ADAMTS3: variants seen among roughly 807,000 people sequenced by gnomAD.
ADAMTS3 encodes A disintegrin and metalloproteinase with thrombospondin motifs 3.
In ADAMTS3, 73 loss-of-function variants were observed where a neutral mutation model predicts 129.0. The ratio of observed to expected loss-of-function variants is 0.57; its 90% confidence interval spans 0.47 to 0.69. The LOEUF is 0.69. Ranked by LOEUF, ADAMTS3 falls within the 30% of genes least tolerant of loss-of-function variation. The probability of loss-of-function intolerance (pLI) is 0.00; values close to 1 mark genes in which losing one functional copy is unlikely to be tolerated. For synonymous variants in ADAMTS3, 477 were observed against 510.8 expected (o/e 0.93, Z 0.89); for missense variants, 1,457 against 1,514.5 (o/e 0.96, Z 0.63).
At chr4:72,556,212 G>A (rs1364340278) in intron 2 of ADAMTS3, among the ~76,000 whole-genome samples, 1 of 151,644 alleles carries the variant, frequency 6.6e-6, no homozygotes, top group African/African-American at 2.4e-5. Flanking sequence ...CTCTGTGCTG[G>A]GGCTGGTAAG....
intron 10 of ADAMTS3, among the ~76,000 whole-genome samples, chr4:72,317,168 C>T (rs1231832214): frequency 1.3e-5 from 2 of 152,086 alleles, no homozygotes; most frequent in African/African-American, 4.8e-5. Flanking sequence ...CTACATACAC[C>T]CTTATGTGCA....
intron 3 of ADAMTS3, among the ~76,000 whole-genome samples, chr4:72,473,920 T>C (rs1719151878): frequency 6.6e-6 from 1 of 152,198 alleles, no homozygotes; most frequent in Non-Finnish European, 1.5e-5. Context: ...CAACATGATG[T>C]CAGTGAAGAC....
At chr4:72,541,167 C>G (rs1721314015) in intron 3 of ADAMTS3, among the ~76,000 whole-genome samples, 1 of 152,194 alleles carries the variant, frequency 6.6e-6, no homozygotes, top group Non-Finnish European at 1.5e-5. Flanking sequence ...GAACCCACCT[C>G]TTACATCAGC....
chr4:72,518,104 C>T (rs1720546316), intron 3 of ADAMTS3, among the ~76,000 whole-genome samples: 1 of 152,128 alleles, frequency 6.6e-6, no homozygotes, highest in South Asian at 2.1e-4. Context: ...ACCCAGTAGT[C>T]ATTCAGGAAC....
intron 3 of ADAMTS3, among the ~76,000 whole-genome samples, chr4:72,498,521 G>C (rs115646604): frequency 0.044 from 6,686 of 152,082 alleles, 208 homozygotes; most frequent in Non-Finnish European, 0.066. Context: ...TACAGTTTGG[G>C]CATACCTACT....
At chr4:72,463,718 C>G (rs1028122121) in intron 3 of ADAMTS3, among the ~76,000 whole-genome samples, 6 of 132,332 alleles carry the variant, frequency 4.5e-5, no homozygotes, top group Admixed American at 1.6e-4. Flanking sequence ...AAAAAAAAAG[C>G]ATTTGGTAAC....
intron 15 of ADAMTS3, 108 bp from the exon 16 acceptor site, chr4:72,306,175 T>C: frequency 1.5e-6 from 1 of 687,780 alleles, no homozygotes; most frequent in Admixed American, 3.3e-5. Flanking sequence ...GAAGAGGGCA[T>C]CCATAAATTT....
chr4:72,312,287 T>G lies in ADAMTS3; in HGVS notation c.1921+4A>C. 6.2e-7 allele frequency: 1 copy of G among 1,613,440 alleles called. No homozygotes were observed. Among genetic ancestry groups the G allele is most frequent in the Admixed American group, 1.7e-5 (1 of 59,970 alleles). On this transcript the variant is annotated splice_donor_region_variant and intron_variant, in intron 13 of 21. Coordinates refer to ENST00000286657, the MANE Select transcript of ADAMTS3 (RefSeq NM_014243.3). ...AGCAGGAAGGAGAGCACGAGGCTACTCACGGTCAGGATGTTCATATGGCAA... is the reference window on the plus strand; with the variant it reads ...AGCAGGAAGGAGAGCACGAGGCTACGCACGGTCAGGATGTTCATATGGCAA...
chr4:72,477,890 A>T (rs1398346847), intron 3 of ADAMTS3, among the ~76,000 whole-genome samples: 1 of 152,216 alleles, frequency 6.6e-6, no homozygotes, highest in Non-Finnish European at 1.5e-5. Flanking sequence ...AATACAAACT[A>T]CCATCAGAGA....
At chr4:72,365,070 G>A (rs1386896901) in intron 4 of ADAMTS3, among the ~76,000 whole-genome samples, 1 of 152,168 alleles carries the variant, frequency 6.6e-6, no homozygotes, top group African/African-American at 2.4e-5. Context: ...GGCACATAAG[G>A]AGGCACTCAG....
intron 10 of ADAMTS3, among the ~76,000 whole-genome samples, chr4:72,316,385 T>G (rs1257282795): frequency 1.3e-5 from 2 of 152,108 alleles, no homozygotes; most frequent in African/African-American, 4.8e-5. Context: ...GATAGATAGT[T>G]GAATATAAAT....
At position 72,548,403 on chromosome 4, in the gene ADAMTS3, C is replaced by T. The variant is rs1404784194; in HGVS notation, c.504+75G>A. 15 of 1,472,400 alleles carry T rather than the reference C, an allele frequency of 1.0e-5. No homozygotes were observed. The Admixed American group carries it at 1.6e-4, about 16-fold the overall frequency. The allele number at this position is 1,472,400 out of a possible 1,614,324, so 91.2% of individuals were successfully genotyped here. A position where few individuals can be genotyped will look rare whatever the true frequency, so the allele number is the denominator to read the frequency against. Reference sequence around the variant, plus strand: ...AATGAAGCCTCCTTTCCACCTCCACCTTCCAAACTATGCAGAAGCCATGGC... The same window carrying T: ...AATGAAGCCTCCTTTCCACCTCCACTTTCCAAACTATGCAGAAGCCATGGC... On this transcript the variant is annotated intron_variant, in intron 3 of 21. Transcript: ENST00000286657.
chr4:72,466,094 A>C (rs187211316), intron 3 of ADAMTS3, among the ~76,000 whole-genome samples: 5 of 152,212 alleles, frequency 3.3e-5, no homozygotes, highest in Admixed American at 3.3e-4. Flanking sequence ...AAAGAGAATA[A>C]AAAGGTAGAA....
At chr4:72,328,667 A>G (rs1269921268) in intron 5 of ADAMTS3, among the ~76,000 whole-genome samples, 1 of 149,450 alleles carries the variant, frequency 6.7e-6, no homozygotes, top group African/African-American at 2.4e-5. Flanking sequence ...ATATAGGTAC[A>G]GTACTTGATG....
chr4:72,438,678 T>G (rs1010239596), intron 3 of ADAMTS3, among the ~76,000 whole-genome samples: 2 of 151,738 alleles, frequency 1.3e-5, no homozygotes, highest in African/African-American at 4.8e-5. Context: ...GTAGTATTAT[T>G]ATGAAAATAG....
At chr4:72,497,848 A>T (rs1168643100) in intron 3 of ADAMTS3, among the ~76,000 whole-genome samples, 1 of 152,082 alleles carries the variant, frequency 6.6e-6, no homozygotes, top group Non-Finnish European at 1.5e-5. Context: ...AAAAATTAAA[A>T]ACTTATTTCT....
Position 72,503,012 on chromosome 4 carries a change from GT to G in ADAMTS3, c.504+45465del, listed in dbSNP as rs144205022. On this transcript the variant is annotated intron_variant, in intron 3 of 21. Coordinates refer to ENST00000286657, the MANE Select transcript of ADAMTS3 (RefSeq NM_014243.3). The stretch of plus-strand genomic sequence containing the variant: ...GTCTCTATTTTCATTTATTTGAAAG[GT>G]TTTTTTTGTTTCTTTTGTTTTTGTT... Among the ~76,000 whole-genome samples, 1,021 of 151,646 alleles carry G rather than the reference GT, an allele frequency of 6.7e-3. 14 individuals are homozygous for G. The highest frequency in any genetic ancestry group is 0.024 in the African/African-American group (984 of 41,364).
intron 21 of ADAMTS3, among the ~76,000 whole-genome samples, chr4:72,287,276 TA>T (rs2109766626): frequency 6.6e-6 from 1 of 151,372 alleles, no homozygotes; most frequent in South Asian, 2.1e-4. Flanking sequence ...TTTAATAAAG[TA>T]CCCAGTCTCA....
At chr4:72,368,529 C>A (rs1720926952) in intron 4 of ADAMTS3, among the ~76,000 whole-genome samples, 2 of 152,124 alleles carry the variant, frequency 1.3e-5, no homozygotes, top group Admixed American at 6.5e-5. Flanking sequence ...CATGGCTTCC[C>A]AATTCTTCTA....
Sources: allele counts gnomAD v4.1 joint callset (sites outside exome capture counted in the v4.1 genomes callset), GRCh38; gene constraint gnomAD v4.1.1; transcripts MANE v1.5; gene names NCBI Gene and HGNC (gene_info 2026-07-23, HGNC 2026-07-21).